GRID2: variants seen among roughly 807,000 people sequenced by gnomAD.
GRID2 encodes glutamate receptor ionotropic, delta-2.
In GRID2, 33 loss-of-function variants were observed where a neutral mutation model predicts 114.8. The ratio of observed to expected loss-of-function variants is 0.29; its 90% CI spans 0.22 to 0.38. The LOEUF (loss-of-function observed/expected upper bound fraction) is 0.38, where lower values mean the gene tolerates loss of function less well. GRID2 is among the 10% of genes least tolerant of loss of function. The pLI is 1.00. For missense variants in GRID2, 1,184 were observed against 1,257.7 expected, an observed-to-expected ratio of 0.94 and a Z score of 0.89; for synonymous variants, 505 against 449.9, an observed-to-expected ratio of 1.12 and a Z score of -1.55.
rs1578169942 is a variant in GRID2 at position 92,771,041 on chromosome 4, TCTC to T, written c.244+180758_244+180760del. Reference sequence around the variant, plus strand: ...AAAATCATGATGTATTGTGGATTATTCTCCTTTTTTGCCAATACCTAAGGTGTG... The same window carrying T: ...AAAATCATGATGTATTGTGGATTATTCTTTTTTGCCAATACCTAAGGTGTG... On this transcript the variant is annotated intron_variant, in intron 2 of 15. Transcript: ENST00000282020. 2.0e-5 allele frequency among the ~76,000 whole-genome samples: 3 copies of T among 149,604 alleles called. No homozygotes were observed. The East Asian group carries it at 5.8e-4, about 29-fold the overall frequency.
At chr4:93,589,630 T>G (rs1214237526) in intron 13 of GRID2, among the ~76,000 whole-genome samples, 2 of 151,834 alleles carry the variant, frequency 1.3e-5, no homozygotes, top group African/African-American at 4.8e-5. Context: ...ATCGCCACAC[T>G]GACTTCCACA....
chr4:93,660,333 A>G (rs1419881372), intron 14 of GRID2, among the ~76,000 whole-genome samples: 1 of 152,208 alleles, frequency 6.6e-6, no homozygotes, highest in Non-Finnish European at 1.5e-5. Context: ...AGATACATGT[A>G]GTCACCCAAA....
At chr4:93,514,490 A>G (rs1275804395) in intron 12 of GRID2, among the ~76,000 whole-genome samples, 1 of 151,748 alleles carries the variant, frequency 6.6e-6, no homozygotes, top group Non-Finnish European at 1.5e-5. Flanking sequence ...CAAACGAAAT[A>G]TAGAAATAAC....
intron 1 of GRID2, among the ~76,000 whole-genome samples, chr4:92,458,936 G>C (rs1721343806): frequency 6.6e-6 from 1 of 152,162 alleles, no homozygotes. Context: ...AGCAGGTAAT[G>C]ATCCCACAAC....
rs867341522 is a variant in GRID2 at position 93,128,040 on chromosome 4, A to C, written c.735+17087A>C. On this transcript the variant is annotated intron_variant, in intron 4 of 15. Coordinates refer to ENST00000282020, the MANE Select transcript of GRID2 (RefSeq NM_001510.4). ...TGTCCCCCGCAACAAAAAAAAAAAA[A>C]AAAAAAAAAAAAAAAAAAACAACAG... Among the ~76,000 whole-genome samples the C allele has an allele frequency of 6.5e-3, 935 of 142,930 alleles. 26 individuals carry two copies. Among genetic ancestry groups the C allele is most frequent in the African/African-American group, 0.024 (892 of 37,398 alleles). 93.8% of individuals were successfully genotyped at this position (142,930 alleles called of 152,430 possible).
chr4:92,701,005 A>C (rs1415354221), intron 2 of GRID2, among the ~76,000 whole-genome samples: 6 of 151,920 alleles, frequency 3.9e-5, no homozygotes, highest in African/African-American at 1.5e-4. Context: ...AAAAAAAAAA[A>C]AAAAAGACAC....
At chr4:92,730,959 G>T (rs1484952711) in intron 2 of GRID2, among the ~76,000 whole-genome samples, 7 of 151,858 alleles carry the variant, frequency 4.6e-5, no homozygotes, top group Admixed American at 4.6e-4. Flanking sequence ...TTAAATCATT[G>T]AATGCAGTGA....
At chr4:93,082,011 A>C (rs1729911821) in intron 2 of GRID2, among the ~76,000 whole-genome samples, 1 of 152,178 alleles carries the variant, frequency 6.6e-6, no homozygotes, top group Admixed American at 6.5e-5. Context: ...GTAGATCCAA[A>C]GCAAATCAAT....
At chr4:92,618,677 C>A (rs1008279536) in intron 2 of GRID2, among the ~76,000 whole-genome samples, 1 of 151,690 alleles carries the variant, frequency 6.6e-6, no homozygotes, top group Admixed American at 6.6e-5. Flanking sequence ...GGGTTTCTTT[C>A]ATCAGCATTT....
At position 93,500,527 on chromosome 4, in the gene GRID2, C is replaced by T. The variant is rs190667346; in HGVS notation, c.1997+9750C>T. Among the ~76,000 whole-genome samples, 188 of 152,104 alleles carry T rather than the reference C, an allele frequency of 1.2e-3. No individual in the cohort carries two copies. The East Asian group carries it at 0.024, about 19-fold the overall frequency. On this transcript the variant is annotated intron_variant, in intron 12 of 15. Coordinates refer to ENST00000282020, the MANE Select transcript of GRID2 (RefSeq NM_001510.4). Reference sequence around the variant, plus strand: ...TCAATGTTTCTTGCTTATGGAGCTACTGTTTCTGACACAGATGTCACCATC... The same window carrying T: ...TCAATGTTTCTTGCTTATGGAGCTATTGTTTCTGACACAGATGTCACCATC...
chr4:92,501,550 A>G (rs1280834747), intron 1 of GRID2, among the ~76,000 whole-genome samples: 8 of 152,166 alleles, frequency 5.3e-5, no homozygotes, highest in Non-Finnish European at 1.0e-4. Flanking sequence ...ATGCCACAGC[A>G]CCATCTCATT....
At chr4:92,454,018 T>A (rs1721081104) in intron 1 of GRID2, among the ~76,000 whole-genome samples, 1 of 152,284 alleles carries the variant, frequency 6.6e-6, no homozygotes, top group Admixed American at 6.5e-5. Context: ...CATAATTAGA[T>A]TTCTCCAAAA....
At chr4:92,977,282 T>G (rs1182365814) in intron 2 of GRID2, among the ~76,000 whole-genome samples, 1 of 152,152 alleles carries the variant, frequency 6.6e-6, no homozygotes, top group East Asian at 1.9e-4. Context: ...GGAGATGACA[T>G]TTGATGGGAG....
rs137949698 is a variant in GRID2, at chr4:93,663,597, G to T, written c.2360+37162G>T. On this transcript the variant is annotated intron_variant, in intron 14 of 15. Transcript: ENST00000282020. ...GTTACTGTAATATGAAGGAGGTAGC[G>T]GACAGTGTAGGCTCTAAGGATCAGG... Among the ~76,000 whole-genome samples the T allele has an allele frequency of 5.3e-5, 8 of 152,186 alleles. No individual in the cohort carries two copies. In the East Asian group the frequency reaches 1.5e-3, roughly 29 times the overall value.
In GRID2 at chr4:92,860,312, A is replaced by G. The variant is rs1275663314; in HGVS notation, c.245-224683A>G. 2.6e-5 allele frequency among the ~76,000 whole-genome samples: 4 copies of G among 152,098 alleles called. No homozygotes were observed. In the East Asian group the frequency reaches 5.8e-4, roughly 22 times the overall value. On this transcript the variant is annotated intron_variant, in intron 2 of 15. Transcript: ENST00000282020. ...GTCAGCTTTCTTTTTGTTAACATCA[A>G]TTTTACAAGGCTTTGCTTACTCGAG...
At chr4:92,387,970 A>C (rs1434288487) in intron 1 of GRID2, among the ~76,000 whole-genome samples, 1 of 152,062 alleles carries the variant, frequency 6.6e-6, no homozygotes, top group African/African-American at 2.4e-5. Flanking sequence ...TTATTACTGT[A>C]AAACAAATGC....
At chr4:92,544,268 T>G (rs1726130143) in intron 1 of GRID2, among the ~76,000 whole-genome samples, 1 of 152,158 alleles carries the variant, frequency 6.6e-6, no homozygotes, top group Admixed American at 6.6e-5. Context: ...GTAACTGTCA[T>G]GTAAACTGAT....
chr4:92,666,670 T>TTTTTTTTTTTTTTC (rs368637464), intron 2 of GRID2, among the ~76,000 whole-genome samples: 1 of 133,026 alleles, frequency 7.5e-6, no homozygotes, highest in Non-Finnish European at 1.6e-5. Flanking sequence ...TTTTTTTTTT[T>TTTTTTTTTTTTTTC]CAGATCTTTT....
At chr4:92,355,537 T>C (rs1232951532) in intron 1 of GRID2, among the ~76,000 whole-genome samples, 2 of 151,894 alleles carry the variant, frequency 1.3e-5, no homozygotes, top group Non-Finnish European at 2.9e-5. Flanking sequence ...AAGGGTAATG[T>C]GTGCTAACAG....
Sources: gnomAD v4.1 joint callset for allele counts (sites outside exome capture counted in the v4.1 genomes callset) on GRCh38, gnomAD v4.1.1 for gene constraint, MANE v1.5 for transcripts, NCBI Gene and HGNC (gene_info 2026-07-23, HGNC 2026-07-21) for gene names.